AIFM2: variants seen among roughly 807,000 people sequenced by gnomAD.
AIFM2 encodes the protein ferroptosis suppressor protein 1.
In AIFM2, 38 loss-of-function variants were observed where a neutral mutation model predicts 35.7. The observed-to-expected ratio is 1.06, with a 90% CI of 0.82 to 1.39. The LOEUF (loss-of-function observed/expected upper bound fraction) is 1.39. AIFM2 is among the 40% of genes most tolerant of loss of function. The pLI is 0.00. For synonymous variants in AIFM2, 185 were observed against 203.5 expected, an observed-to-expected ratio of 0.91 and a Z score of 0.77; for missense variants, 476 against 491.2, an observed-to-expected ratio of 0.97 and a Z score of 0.29.
intron 2 of AIFM2, 38 bp downstream of exon 2, chr10:70,123,869 C>A (rs371265114): frequency 1.3e-6 from 2 of 1,490,656 alleles, no homozygotes; most frequent in Non-Finnish European, 1.8e-6. Context: ...GAGACAAGAC[C>A]CCCCTCACAG....
chr10:70,119,157 G>T (rs781662155), intron 5 of AIFM2, among the ~76,000 whole-genome samples: 1 of 152,204 alleles, frequency 6.6e-6, no homozygotes, highest in Non-Finnish European at 1.5e-5. Flanking sequence ...CTGTGCTCAG[G>T]ACCCTTCTAG....
At chr10:70,125,570 A>C (rs2136664490) in intron 1 of AIFM2, among the ~76,000 whole-genome samples, 1 of 151,726 alleles carries the variant, frequency 6.6e-6, no homozygotes, top group Non-Finnish European at 1.5e-5. Flanking sequence ...GTGAGCCGTA[A>C]CTATGCCACT....
At chr10:70,128,840 A>T (rs1285560707) in intron 1 of AIFM2, among the ~76,000 whole-genome samples, 1 of 152,166 alleles carries the variant, frequency 6.6e-6, no homozygotes, top group East Asian at 1.9e-4. Flanking sequence ...CACAACACAC[A>T]CACACAAAGA....
At position 70,116,766 on chromosome 10, in the gene AIFM2, C is replaced by A. The variant is rs769899624; in HGVS notation, c.625G>T (p.Val209Leu). ...AGAGGCAGCTCCTCCAGATTGCTCA[C>A]CCGCTCACCTAGAAGGGGGTTCATG... ...KGVQLLLSERVSNLEELPLNE... is the reference protein window; with the variant it reads ...KGVQLLLSERLSNLEELPLNE... Residue 209 changes from valine (V) to leucine (L), a missense_variant, in exon 7 of 9, where the codon GTG (valine) becomes TTG (leucine). Coordinates refer to ENST00000307864, the MANE Select transcript of AIFM2 (RefSeq NM_032797.6). 2 of 1,614,094 alleles carry A rather than the reference C, an allele frequency of 1.2e-6. No individual in the cohort carries two copies. The highest frequency in any genetic ancestry group is 1.7e-6 in the Non-Finnish European group (2 of 1,179,990).
At chr10:70,125,325 G>C (rs1221829946) in intron 1 of AIFM2, among the ~76,000 whole-genome samples, 1 of 151,830 alleles carries the variant, frequency 6.6e-6, no homozygotes, top group South Asian at 2.1e-4. Flanking sequence ...ATGGGGCTGG[G>C]TGTAGCAGCT....
At chr10:70,118,567 G>A (rs932846664) in intron 5 of AIFM2, among the ~76,000 whole-genome samples, 7 of 152,172 alleles carry the variant, frequency 4.6e-5, no homozygotes, top group African/African-American at 1.7e-4. Flanking sequence ...AATAAAGGGT[G>A]GCTGCTACTA....
intron 1 of AIFM2, among the ~76,000 whole-genome samples, chr10:70,130,752 T>C (rs563088768): frequency 6.6e-6 from 1 of 152,342 alleles, no homozygotes; most frequent in South Asian, 2.1e-4. Flanking sequence ...AAATCCACCA[T>C]CTGATTTTGA....
intron 1 of AIFM2, among the ~76,000 whole-genome samples, chr10:70,126,809 G>A (rs1374457418): frequency 6.6e-6 from 1 of 152,216 alleles, no homozygotes; most frequent in African/African-American, 2.4e-5. Context: ...TGGATTGGAG[G>A]GAATTTAAAG....
chr10:70,116,287 G>A (rs2072434608), intron 7 of AIFM2, among the ~76,000 whole-genome samples: 1 of 152,252 alleles, frequency 6.6e-6, no homozygotes, highest in South Asian at 2.1e-4. Flanking sequence ...AAGAGAGGAA[G>A]GCCTGACCCT....
chr10:70,113,060 G>C lies in AIFM2; in HGVS notation c.*1118C>G, dbSNP rs747929273. ...GTAAGCAGATGGCACCCCGCAAAGA[G>C]TCACATTATCTGCCCTTCCTTAAAC... is the stretch of plus-strand genomic sequence containing the variant. On this transcript the variant is annotated 3_prime_UTR_variant, in exon 9 of 9. Coordinates refer to ENST00000307864, the MANE Select transcript of AIFM2 (RefSeq NM_032797.6). 3 of 152,240 alleles carry C rather than the reference G, an allele frequency of 2.0e-5. No homozygotes were observed. The highest frequency in any genetic ancestry group is 7.2e-5 in the African/African-American group (3 of 41,452). 9.4% of individuals were successfully genotyped at this position (152,240 alleles called of 1,614,324 possible).
chr10:70,115,498 G>A (rs1450879074), intron 7 of AIFM2, among the ~76,000 whole-genome samples: 1 of 152,256 alleles, frequency 6.6e-6, no homozygotes, highest in Non-Finnish European at 1.5e-5. Context: ...CAGGTGTGGT[G>A]GCTCATGCCT....
intron 7 of AIFM2, 77 bp from the exon 8 acceptor site, chr10:70,115,197 G>A: frequency 1.4e-6 from 2 of 1,475,322 alleles, no homozygotes; most frequent in South Asian, 2.4e-5. Context: ...GAGAGGGCGA[G>A]CTCTAGACAC....
At chr10:70,115,183 G>T in intron 7 of AIFM2, 63 bp from the exon 8 acceptor site, 1 of 1,556,142 alleles carries the variant, frequency 6.4e-7, no homozygotes. Flanking sequence ...GCCACCAGGA[G>T]GAGGAGAGGG....
intron 7 of AIFM2, among the ~76,000 whole-genome samples, 163 bp downstream of exon 7, chr10:70,116,459 A>T (rs7921300): frequency 0.25 from 37,242 of 151,900 alleles, 5,570 homozygotes; most frequent in African/African-American, 0.41. Context: ...AGCTGAGGAG[A>T]GCTCAGCAAG....
At position 70,121,211 on chromosome 10, in the gene AIFM2, C is replaced by A. The variant is rs2072500561; in HGVS notation, c.295G>T (p.Ala99Ser). ...AGGATAAGATGAGAGAAGGGCAGGG[C>A]CTGAGAGAAACCAAAAAAAAAAAAA... ...NQMVLLQGGE[A>S]LPFSHLILAT... The change falls in exon 4 of 9, where the codon GCC becomes TCC. Residue 99 changes from alanine to serine, a missense_variant and splice_region_variant. Transcript: ENST00000307864. The A allele has an allele frequency of 2.1e-6, 1 of 485,538 alleles. No homozygotes were observed. The highest frequency in any genetic ancestry group is 3.7e-6 in the Non-Finnish European group (1 of 271,754). The allele number at this position is 485,538 out of a possible 1,614,324, so 30.1% of individuals were successfully genotyped here.
chr10:70,121,335 G>A, intron 3 of AIFM2, 124 bp from the exon 4 acceptor site: 1 of 1,378,782 alleles, frequency 7.3e-7, no homozygotes, highest in Non-Finnish European at 9.4e-7. Context: ...CAGGCAAAGA[G>A]GCCCCTCTAG....
At chr10:70,124,313 T>C (rs1467763591) in intron 1 of AIFM2, among the ~76,000 whole-genome samples, 1 of 152,208 alleles carries the variant, frequency 6.6e-6, no homozygotes, top group Non-Finnish European at 1.5e-5. Flanking sequence ...AGTTCCCTTC[T>C]CCAGAGGCAT....
intron 7 of AIFM2, among the ~76,000 whole-genome samples, chr10:70,115,609 T>C (rs57734364): frequency 1.3e-5 from 2 of 151,992 alleles, no homozygotes; most frequent in Non-Finnish European, 2.9e-5. Context: ...CTACTAAAAA[T>C]AGAAAAATTA....
Position 70,131,553 on chromosome 10 carries a change from C to T in AIFM2, c.-14+1181G>A, listed in dbSNP as rs904892278. On this transcript the variant is annotated intron_variant, in intron 1 of 8. Transcript: ENST00000307864. The surrounding 1 kb of genome is among the most constrained non-coding windows in gnomAD (Gnocchi z 4.1). ...TTCATCTGGATGTCATATTCACTCC[C>T]GCACAGAAAACCTAGGCCAAGCAAT... Among the ~76,000 whole-genome samples the T allele has an allele frequency of 2.0e-5, 3 of 152,218 alleles. No homozygotes were observed. Among genetic ancestry groups the T allele is most frequent in the South Asian group, 2.1e-4 (1 of 4,830 alleles).
Sources: gnomAD v4.1 joint callset for allele counts (sites outside exome capture counted in the v4.1 genomes callset) on GRCh38, gnomAD v4.1.1 for gene constraint, Gnocchi (gnomAD v3.1) non-coding constraint, MANE v1.5 for transcripts, NCBI Gene and HGNC (gene_info 2026-07-23, HGNC 2026-07-21) for gene names.